PDE4D: variants seen among roughly 807,000 people sequenced by gnomAD.
The protein encoded by PDE4D is phosphodiesterase 4D, also known as 3',5'-cyclic-AMP phosphodiesterase 4D.
In PDE4D, 24 loss-of-function variants were observed where a neutral mutation model predicts 87.4. The observed-to-expected ratio is 0.27, with a 90% CI of 0.20 to 0.39. PDE4D has a LOEUF of 0.39. Ranked by LOEUF, PDE4D falls within the 10% of genes least tolerant of loss-of-function variation. The probability of loss-of-function intolerance (pLI) is 1.00; values close to 1 mark genes in which losing one functional copy is unlikely to be tolerated. For synonymous variants in PDE4D, 384 were observed against 383.2 expected (o/e 1.00, Z -0.02); for missense variants, 714 against 1,041.0 (o/e 0.69, Z 4.32).
chr5:59,979,677 G>C (rs572877013), intron 3 of PDE4D, among the ~76,000 whole-genome samples: 14 of 152,126 alleles, frequency 9.2e-5, no homozygotes, highest in Non-Finnish European at 1.9e-4. Context: ...ATTTATTTTT[G>C]TTGAATTCCT....
intron 2 of PDE4D, among the ~76,000 whole-genome samples, chr5:60,002,695 G>A (rs1445600787): frequency 2.0e-5 from 3 of 152,034 alleles, no homozygotes; most frequent in Non-Finnish European, 2.9e-5. Flanking sequence ...TCTCCATAGA[G>A]GCAGAAACAG....
chr5:60,340,473 T>C (rs942906378), intron 1 of PDE4D, among the ~76,000 whole-genome samples: 8 of 152,106 alleles, frequency 5.3e-5, no homozygotes, highest in African/African-American at 1.9e-4. Context: ...CATCCATGAC[T>C]AGGACATGGT....
At chr5:59,283,882 A>T (rs911841256) in intron 1 of PDE4D, among the ~76,000 whole-genome samples, 3 of 152,156 alleles carry the variant, frequency 2.0e-5, no homozygotes, top group African/African-American at 7.2e-5. Flanking sequence ...AGGGGGATTC[A>T]AATCCCACAG....
intron 1 of PDE4D, among the ~76,000 whole-genome samples, chr5:60,451,371 T>C (rs1011025916): frequency 6.6e-6 from 1 of 152,094 alleles, no homozygotes; most frequent in Admixed American, 6.6e-5. Context: ...TTATCTTTTC[T>C]TTGTGATGAT....
intron 3 of PDE4D, among the ~76,000 whole-genome samples, chr5:59,925,174 C>CAAAAAAAAAAATA (rs71606612): frequency 6.9e-5 from 7 of 101,800 alleles, no homozygotes; most frequent in African/African-American, 2.7e-4. Flanking sequence ...GACTGCATCT[C>CAAAAAAAAAAATA]AAAAAAAAAA....
At chr5:60,130,639 T>G (rs1474336056) in intron 2 of PDE4D, among the ~76,000 whole-genome samples, 2 of 152,198 alleles carry the variant, frequency 1.3e-5, no homozygotes, top group African/African-American at 2.4e-5. Flanking sequence ...TAAAGGGTGA[T>G]GACTTGCACT....
At chr5:60,122,464 C>T (rs1345494952) in intron 2 of PDE4D, among the ~76,000 whole-genome samples, 2 of 152,238 alleles carry the variant, frequency 1.3e-5, no homozygotes, top group Non-Finnish European at 2.9e-5. Context: ...TTCTGTGCAT[C>T]TGCAGGCTGA....
intron 1 of PDE4D, among the ~76,000 whole-genome samples, chr5:59,473,164 A>T (rs1166455107): frequency 6.6e-6 from 1 of 151,970 alleles, no homozygotes; most frequent in African/African-American, 2.4e-5. Context: ...ACATACTGAA[A>T]AAAGACTGTT....
chr5:59,126,291 C>T (rs1270935882), intron 5 of PDE4D, among the ~76,000 whole-genome samples: 1 of 152,132 alleles, frequency 6.6e-6, no homozygotes, highest in Non-Finnish European at 1.5e-5. Flanking sequence ...TACTTGTATC[C>T]TTTCAGAGGA....
At chr5:59,504,619 C>T (rs531982993) in intron 1 of PDE4D, among the ~76,000 whole-genome samples, 2 of 152,142 alleles carry the variant, frequency 1.3e-5, no homozygotes, top group African/African-American at 4.8e-5. Context: ...AAGTGTTATA[C>T]CTCTCTCTTC....
intron 1 of PDE4D, among the ~76,000 whole-genome samples, chr5:60,501,973 G>A (rs1420793886): frequency 6.6e-6 from 1 of 152,124 alleles, no homozygotes; most frequent in Admixed American, 6.5e-5. Context: ...TCTGATGGTA[G>A]TTTCTTTTGC....
rs76720225 is a variant in PDE4D at position 59,207,263 on chromosome 5, C to G, written c.647+8514G>C. 5.3e-3 allele frequency among the ~76,000 whole-genome samples: 799 copies of G among 152,162 alleles called. 12 individuals carry two copies. In the East Asian group the frequency reaches 0.055, roughly 10 times the overall value. ...ACTGGAGCATGGTTTTGATTTTAGT[C>G]TTCTTTAATATACAGAGGGAAGAGG... On this transcript the variant is annotated intron_variant, in intron 2 of 14. Transcript: ENST00000340635.
intron 2 of PDE4D, among the ~76,000 whole-genome samples, chr5:60,090,590 T>A (rs1252713481): frequency 6.6e-6 from 1 of 152,064 alleles, no homozygotes; most frequent in East Asian, 1.9e-4. Context: ...TGGGGAAAAA[T>A]GGAAATTCTT....
At chr5:59,928,577 C>CA (rs1052690635) in intron 3 of PDE4D, among the ~76,000 whole-genome samples, 4 of 150,974 alleles carry the variant, frequency 2.6e-5, no homozygotes, top group African/African-American at 7.3e-5. Context: ...GACTCCATCT[C>CA]AAAAAAAAGA....
chr5:59,139,707 T>C (rs997869335), intron 5 of PDE4D, among the ~76,000 whole-genome samples: 14 of 152,024 alleles, frequency 9.2e-5, no homozygotes, highest in African/African-American at 3.1e-4. Context: ...CTCAAACTCC[T>C]GGGCTCAAGC....
Position 59,767,032 on chromosome 5 carries a change from CCTTT to C in PDE4D, c.455+126132_455+126135del, listed in dbSNP as rs553234016. 3.2e-3 allele frequency among the ~76,000 whole-genome samples: 487 copies of C among 152,024 alleles called. 4 individuals carry two copies. Among genetic ancestry groups the C allele is most frequent in the African/African-American group, 0.011 (454 of 41,518 alleles). ...TTTGGGTGTGACATGGCTTTTATTT[CCTTT>C]GTCATTGACTTTCATCTATAACATC... On this transcript the variant is annotated intron_variant, in intron 1 of 14. Coordinates refer to ENST00000340635, the MANE Select transcript of PDE4D (RefSeq NM_001104631.2).
chr5:59,586,505 CAA>C (rs11402131), intron 1 of PDE4D: 1,542 of 1,127,082 alleles, frequency 1.4e-3, no homozygotes, highest in Admixed American at 4.6e-3. Flanking sequence ...TATTGAATCC[CAA>C]AAAAAAAAAA....
intron 2 of PDE4D, among the ~76,000 whole-genome samples, chr5:60,051,954 A>T (rs1770212758): frequency 2.0e-5 from 3 of 152,216 alleles, no homozygotes; most frequent in Admixed American, 2.0e-4. Context: ...AAATGGATAA[A>T]TTCCTGGACA....
chr5:59,179,372 G>C (rs1740939328), intron 5 of PDE4D, among the ~76,000 whole-genome samples: 1 of 152,150 alleles, frequency 6.6e-6, no homozygotes, highest in African/African-American at 2.4e-5. Flanking sequence ...AAAGTGCTGA[G>C]ATTACAAGCG....
Sources: gnomAD v4.1 joint callset for allele counts (sites outside exome capture counted in the v4.1 genomes callset) on GRCh38, gnomAD v4.1.1 for gene constraint, MANE v1.5 for transcripts, NCBI Gene and HGNC (gene_info 2026-07-23, HGNC 2026-07-21) for gene names.